The following INPP4B variants were observed in gnomAD, a reference collection of about 807,000 sequenced individuals.
The protein encoded by INPP4B is inositol polyphosphate-4-phosphatase type II B, also known as inositol polyphosphate 4-phosphatase type II.
INPP4B carries 55 observed loss-of-function variants against 122.5 expected under a neutral mutation model. The ratio of observed to expected loss-of-function variants is 0.45; its 90% confidence interval spans 0.36 to 0.56. INPP4B has a LOEUF of 0.56. Among genes scored for constraint, INPP4B ranks in the 20% least tolerant of loss-of-function variants. The pLI is 0.00. For synonymous variants in INPP4B, 403 were observed against 388.7 expected (o/e 1.04, Z -0.43); for missense variants, 1,000 against 1,097.7 (o/e 0.91, Z 1.26).
At chr4:142,779,536 G>T (rs930626915) in intron 1 of INPP4B, among the ~76,000 whole-genome samples, 2 of 151,802 alleles carry the variant, frequency 1.3e-5, no homozygotes, top group Non-Finnish European at 1.5e-5. Context: ...TCCATGACTC[G>T]CAGCTATTAT....
At chr4:142,514,792 CTTTTT>C (rs3078620) in intron 2 of INPP4B, among the ~76,000 whole-genome samples, 1 of 121,780 alleles carries the variant, frequency 8.2e-6, no homozygotes, top group Non-Finnish European at 1.7e-5. Flanking sequence ...ACCATGATTT[CTTTTT>C]TTTTTTTTTT....
Position 142,208,987 on chromosome 4 carries a change from A to G in INPP4B, c.876T>C (p.His292=), listed in dbSNP as rs772668791. The change falls in exon 13 of 26, where the codon CAT becomes CAC. Residue 292 remains histidine (H), a synonymous_variant. Transcript: ENST00000262992. ...EIKELGELSP[H]WDNLRKNVLT... is the part of the protein sequence containing the mutation. ...GGACATTTTTTCGCAGATTGTCCCA[A>G]TGTGGAGAAAGCTCACCAAGTTCTT... 6 of 1,605,596 alleles carry G rather than the reference A, an allele frequency of 3.7e-6. No homozygotes were observed. The highest frequency in any genetic ancestry group is 1.7e-5 in the Admixed American group (1 of 59,902).
At chr4:142,168,961 A>T (rs1371433796) in intron 16 of INPP4B, among the ~76,000 whole-genome samples, 2 of 151,608 alleles carry the variant, frequency 1.3e-5, no homozygotes, top group Non-Finnish European at 3.0e-5. Flanking sequence ...TATAAGGATC[A>T]CATAATTTGT....
intron 3 of INPP4B, among the ~76,000 whole-genome samples, chr4:142,432,194 C>A (rs897271270): frequency 1.1e-4 from 16 of 152,000 alleles, no homozygotes; most frequent in African/African-American, 3.9e-4. Context: ...TGTTTTAAAT[C>A]AAGTTACCAG....
intron 2 of INPP4B, among the ~76,000 whole-genome samples, chr4:142,518,295 C>T (rs1825659883): frequency 6.6e-6 from 1 of 152,100 alleles, no homozygotes. Context: ...AATGACAGTT[C>T]TATCCACATA....
chr4:142,657,133 G>C (rs1469722307), intron 2 of INPP4B, among the ~76,000 whole-genome samples: 1 of 152,160 alleles, frequency 6.6e-6, no homozygotes, highest in Non-Finnish European at 1.5e-5. Context: ...TGTGTACTGT[G>C]TGTGATATCT....
intron 16 of INPP4B, 61 bp downstream of exon 16, chr4:142,173,571 C>T (rs2152951047): frequency 1.4e-6 from 2 of 1,455,446 alleles, no homozygotes; most frequent in Non-Finnish European, 1.9e-6. Flanking sequence ...ATGCAGAAAG[C>T]CAGACCAATG....
At chr4:142,601,451 A>G (rs1470964937) in intron 2 of INPP4B, among the ~76,000 whole-genome samples, 1 of 152,076 alleles carries the variant, frequency 6.6e-6, no homozygotes, top group Non-Finnish European at 1.5e-5. Context: ...CTCCTGAACA[A>G]CTATTGGGGC....
At chr4:142,710,672 A>G (rs1482759854) in intron 2 of INPP4B, among the ~76,000 whole-genome samples, 1 of 152,220 alleles carries the variant, frequency 6.6e-6, no homozygotes, top group African/African-American at 2.4e-5. Flanking sequence ...TCCTCCACCT[A>G]TACCTCATTA....
At chr4:142,813,377 A>T (rs1779747692) in intron 1 of INPP4B, among the ~76,000 whole-genome samples, 1 of 152,170 alleles carries the variant, frequency 6.6e-6, no homozygotes, top group Admixed American at 6.6e-5. Context: ...CAGACAAATC[A>T]TCACATGGAG....
chr4:142,252,222 TCTGTCGCCCAGG>T (rs1732560461), intron 11 of INPP4B, among the ~76,000 whole-genome samples: 3 of 143,716 alleles, frequency 2.1e-5, no homozygotes, highest in Non-Finnish European at 4.5e-5. Flanking sequence ...GGAGTCTCGC[TCTGTCGCCCAGG>T]CTGGAGTGCA....
chr4:142,445,911 T>C (rs997420763), intron 3 of INPP4B, among the ~76,000 whole-genome samples: 2 of 152,056 alleles, frequency 1.3e-5, no homozygotes, highest in African/African-American at 4.8e-5. Context: ...TATTTGAAAA[T>C]TAAACAATAT....
At position 142,393,141 on chromosome 4, in the gene INPP4B, C is replaced by T. The variant is rs138079058; in HGVS notation, c.372+9797G>A. ...GACATTTAACTTATGAATGACATGC[C>T]GAGGCTGAAAACCCCAAATGATGGT... is the stretch of plus-strand genomic sequence containing the variant. On this transcript the variant is annotated intron_variant, in intron 7 of 25. Transcript: ENST00000262992. 8.6e-4 allele frequency among the ~76,000 whole-genome samples: 131 copies of T among 152,012 alleles called. 1 individual carries two copies. Among genetic ancestry groups the T allele is most frequent in the Admixed American group, 3.3e-3 (51 of 15,278 alleles).
chr4:142,646,079 G>A (rs1751712866), intron 2 of INPP4B, among the ~76,000 whole-genome samples: 1 of 152,132 alleles, frequency 6.6e-6, no homozygotes, highest in South Asian at 2.1e-4. Flanking sequence ...GAGAACAAGA[G>A]CACCTTTTTG....
chr4:142,624,606 G>A (rs927155916), intron 2 of INPP4B, among the ~76,000 whole-genome samples: 2 of 152,092 alleles, frequency 1.3e-5, no homozygotes, highest in Admixed American at 1.3e-4. Flanking sequence ...TAGAAAAAGA[G>A]GGAATCCTCC....
At chr4:142,536,737 A>G (rs535378230) in intron 2 of INPP4B, among the ~76,000 whole-genome samples, 12 of 152,144 alleles carry the variant, frequency 7.9e-5, no homozygotes, top group Non-Finnish European at 7.4e-5. Flanking sequence ...CCCTTTGATT[A>G]TCAATGAACT....
At chr4:142,391,540 C>T (rs921932152) in intron 7 of INPP4B, among the ~76,000 whole-genome samples, 1 of 152,080 alleles carries the variant, frequency 6.6e-6, no homozygotes, top group Non-Finnish European at 1.5e-5. Flanking sequence ...CCAGCCTGGG[C>T]CAAGAAGTGA....
intron 2 of INPP4B, among the ~76,000 whole-genome samples, chr4:142,484,992 T>C (rs1173406603): frequency 1.3e-5 from 2 of 152,118 alleles, no homozygotes; most frequent in Non-Finnish European, 2.9e-5. Flanking sequence ...TAATTTGTCC[T>C]TGGGTGCACA....
intron 5 of INPP4B, among the ~76,000 whole-genome samples, chr4:142,428,696 A>T (rs776465306): frequency 1.4e-4 from 21 of 152,076 alleles, no homozygotes; most frequent in Non-Finnish European, 2.6e-4. Context: ...TTGAAAGTTA[A>T]ATTCTCAAAT....
Sources: gnomAD v4.1 joint callset for allele counts (sites outside exome capture counted in the v4.1 genomes callset) on GRCh38, gnomAD v4.1.1 for gene constraint, MANE v1.5 for transcripts, NCBI Gene and HGNC (gene_info 2026-07-23, HGNC 2026-07-21) for gene names.